TMEM272: variants seen among roughly 807,000 people sequenced by gnomAD.
TMEM272 encodes long intergenic non-protein coding RNA 282.
A neutral mutation model predicts 3.7 loss-of-function variants in TMEM272; 8 were observed. The ratio of observed to expected loss-of-function variants is 2.17; its 90% CI spans 1.27 to 3.91. The LOEUF is 3.91. Ranked by LOEUF, TMEM272 falls within the 30% of genes most tolerant of loss-of-function variation. The pLI, the probability that TMEM272 is intolerant of heterozygous loss-of-function variation, is 0.00. For synonymous variants in TMEM272, 63 were observed against 39.8 expected (o/e 1.58, Z -2.20); for missense variants, 166 against 91.5 (o/e 1.81, Z -3.32).
the TMEM272 span, among the ~76,000 whole-genome samples, chr13:51,929,222 A>C: frequency 2.0e-5 from 3 of 152,204 alleles, no homozygotes; most frequent in Non-Finnish European, 4.4e-5. Context: ...ATAAACTTGC[A>C]AGAATATTTA....
rs1244037354 is a variant in TMEM272 at position 51,822,121 on chromosome 13, C to T, written c.135G>A (p.Glu45=). 7 of 698,430 alleles carry T rather than the reference C, an allele frequency of 1.0e-5. No individual in the cohort carries two copies. The Admixed American group carries it at 1.4e-4, about 14-fold the overall frequency. 43.3% of individuals were successfully genotyped at this position (698,430 alleles called of 1,614,324 possible). Residue 45 remains glutamate, a synonymous_variant, in exon 4 of 5, where the codon GAG becomes GAA. Transcript: ENST00000629372. ...GAATGAGGGGCTGTATAGGGCAGTC[C>T]TCCAAAAATTTCATTCCTACATAGG... ...SMTFIGMKFL[E]DCPIQPLIPL...
the TMEM272 span, among the ~76,000 whole-genome samples, chr13:51,856,726 G>A: frequency 6.6e-6 from 1 of 152,126 alleles, no homozygotes; most frequent in Admixed American, 6.6e-5. Flanking sequence ...AGCTGCCAAA[G>A]ACCAAAGGCA....
At chr13:51,893,895 A>G in the TMEM272 span, among the ~76,000 whole-genome samples, 2 of 152,208 alleles carry the variant, frequency 1.3e-5, no homozygotes, top group Non-Finnish European at 2.9e-5. Context: ...CTCAATGCAG[A>G]ACTTTGTATG....
intron 4 of TMEM272, among the ~76,000 whole-genome samples, chr13:51,817,493 G>GC (rs2139544208): frequency 6.6e-6 from 1 of 152,276 alleles, no homozygotes; most frequent in Non-Finnish European, 1.5e-5. Flanking sequence ...ATGTAAAAAT[G>GC]ACACCTGGTC....
chr13:51,835,927 T>C (rs1290665413), intron 2 of TMEM272, among the ~76,000 whole-genome samples: 1 of 152,234 alleles, frequency 6.6e-6, no homozygotes, highest in East Asian at 1.9e-4. Context: ...TAAATTTACA[T>C]TGATACAATA....
At chr13:51,861,481 CA>C in the TMEM272 span, among the ~76,000 whole-genome samples, 1 of 151,912 alleles carries the variant, frequency 6.6e-6, no homozygotes, top group Non-Finnish European at 1.5e-5. Context: ...AGGGATTCAA[CA>C]GCATATTTGA....
chr13:51,932,857 A>G, the TMEM272 span: 1 of 152,212 alleles, frequency 6.6e-6, no homozygotes, highest in Non-Finnish European at 1.5e-5. Context: ...TTAAAAATCA[A>G]CAGAATTAGA....
intron 1 of TMEM272, among the ~76,000 whole-genome samples, chr13:51,839,315 G>A (rs776004944): frequency 2.6e-5 from 4 of 152,154 alleles, no homozygotes; most frequent in Non-Finnish European, 4.4e-5. Flanking sequence ...TTTCCTGCCC[G>A]GTGAAATGAG....
chr13:51,824,711 G>A (rs1353975352), intron 3 of TMEM272, among the ~76,000 whole-genome samples: 2 of 152,338 alleles, frequency 1.3e-5, no homozygotes, highest in Admixed American at 1.3e-4. Context: ...CCAGCGCTTT[G>A]GGAGGCCGAG....
At chr13:51,925,702 C>T in the TMEM272 span, among the ~76,000 whole-genome samples, 4 of 152,142 alleles carry the variant, frequency 2.6e-5, no homozygotes, top group African/African-American at 4.8e-5. Context: ...GCCCATTCTG[C>T]CCTGACCATG....
At chr13:51,848,519 T>C (rs1164417344), upstream of TMEM272, among the ~76,000 whole-genome samples, 3 of 152,210 alleles carry the variant, frequency 2.0e-5, no homozygotes, top group African/African-American at 4.8e-5. Flanking sequence ...CATTCATTCA[T>C]TGAATGAATA....
At chr13:51,865,987 T>C in the TMEM272 span, 9 of 1,613,860 alleles carry the variant, frequency 5.6e-6, no homozygotes, top group Non-Finnish European at 6.8e-6. Flanking sequence ...TGGAGAACAA[T>C]GGCCACATTG....
At chr13:51,840,816 G>A (rs1489399054) in intron 1 of TMEM272, among the ~76,000 whole-genome samples, 3 of 152,206 alleles carry the variant, frequency 2.0e-5, no homozygotes, top group Non-Finnish European at 4.4e-5. Context: ...TGGCTGTGAT[G>A]TCCTTATACA....
chr13:51,840,266 T>A (rs1474752316), intron 1 of TMEM272, among the ~76,000 whole-genome samples: 1 of 151,998 alleles, frequency 6.6e-6, no homozygotes. Flanking sequence ...CTTCCCAAAG[T>A]GAGTCAGGGA....
At chr13:51,907,624 G>A in the TMEM272 span, among the ~76,000 whole-genome samples, 3 of 152,146 alleles carry the variant, frequency 2.0e-5, no homozygotes, top group African/African-American at 4.8e-5. Context: ...GGAAACCACC[G>A]TAAAGGCTCT....
chr13:51,899,149 C>A, the TMEM272 span, among the ~76,000 whole-genome samples: 1 of 152,044 alleles, frequency 6.6e-6, no homozygotes, highest in African/African-American at 2.4e-5. Context: ...AACCAATGAA[C>A]AAGTACAGTA....
chr13:51,844,665 C>T (rs115476527), intron 1 of TMEM272, among the ~76,000 whole-genome samples: 3,836 of 152,246 alleles, frequency 0.025, 82 homozygotes, highest in Admixed American at 0.077. Context: ...AAGTCAAAGC[C>T]ACTTGCTCAC....
the TMEM272 span, chr13:51,861,876 C>A: frequency 6.6e-6 from 1 of 152,398 alleles, no homozygotes; most frequent in South Asian, 2.1e-4. Flanking sequence ...CACACAAAGC[C>A]CCCACCAGAA....
the TMEM272 span, among the ~76,000 whole-genome samples, chr13:51,895,578 TGG>T: frequency 6.6e-6 from 1 of 152,072 alleles, no homozygotes; most frequent in African/African-American, 2.4e-5. Context: ...CATCTACCTG[TGG>T]GACAGGGCCT....
Sources: allele counts gnomAD v4.1 joint callset (sites outside exome capture counted in the v4.1 genomes callset), GRCh38; gene constraint gnomAD v4.1.1; transcripts MANE v1.5; gene names NCBI Gene and HGNC (gene_info 2026-07-23, HGNC 2026-07-21).